The following FGF14 variants were observed in gnomAD, a reference collection of about 807,000 sequenced individuals.
FGF14 encodes the protein fibroblast growth factor homologous factor 4.
Under a neutral mutation model 25.5 loss-of-function variants are expected in FGF14, and 5 were observed. The observed-to-expected ratio is 0.20, with a 90% CI of 0.10 to 0.41. FGF14 has a LOEUF of 0.41. Among genes scored for constraint, FGF14 ranks in the 10% least tolerant of loss-of-function variants. FGF14 has a pLI of 1.00. For missense variants in FGF14, 222 were observed against 320.1 expected, an observed-to-expected ratio of 0.69 and a Z score of 2.34; for synonymous variants, 138 against 118.3, an observed-to-expected ratio of 1.17 and a Z score of -1.08.
intron 1 of FGF14, among the ~76,000 whole-genome samples, chr13:102,069,632 T>C: frequency 6.6e-6 from 1 of 151,806 alleles, no homozygotes; most frequent in East Asian, 1.9e-4. Flanking sequence ...TTAAGAGCTG[T>C]AACACTGACC....
intron 3 of FGF14, among the ~76,000 whole-genome samples, chr13:101,735,262 T>A (rs1389305259): frequency 3.9e-5 from 6 of 152,232 alleles, no homozygotes; most frequent in African/African-American, 1.4e-4. Flanking sequence ...GGTTGTTCAT[T>A]ATACAGTTGA....
intron 1 of FGF14, among the ~76,000 whole-genome samples, chr13:102,138,116 T>C (rs1420309790): frequency 1.3e-5 from 2 of 150,564 alleles, no homozygotes; most frequent in Non-Finnish European, 3.0e-5. Context: ...ATCCTTTTCA[T>C]TGATTGGCAA....
chr13:102,341,989 C>G (rs937007550), intron 1 of FGF14, among the ~76,000 whole-genome samples: 1 of 152,092 alleles, frequency 6.6e-6, no homozygotes, highest in African/African-American at 2.4e-5. Context: ...GGAAACAAGC[C>G]CACTCATCAA....
intron 3 of FGF14, among the ~76,000 whole-genome samples, chr13:101,821,102 C>T (rs1174986979): frequency 6.6e-6 from 1 of 150,754 alleles, no homozygotes; most frequent in Non-Finnish European, 1.5e-5. Flanking sequence ...GCGCCCGCTA[C>T]CACGCCGGGC....
chr13:101,904,117 G>C (rs948357425), intron 1 of FGF14, among the ~76,000 whole-genome samples: 9 of 152,178 alleles, frequency 5.9e-5, no homozygotes, highest in Non-Finnish European at 1.3e-4. Context: ...AAATTGTCTT[G>C]TTCAATGGGT....
intron 1 of FGF14, among the ~76,000 whole-genome samples, chr13:101,975,469 A>C (rs190597540): frequency 3.9e-4 from 59 of 152,206 alleles, no homozygotes; most frequent in Non-Finnish European, 1.5e-5. Context: ...ATCAACTCTC[A>C]AAACCTCCAG....
intron 1 of FGF14, among the ~76,000 whole-genome samples, chr13:102,056,678 T>C (rs1264614690): frequency 6.6e-6 from 1 of 151,772 alleles, no homozygotes; most frequent in African/African-American, 2.4e-5. Context: ...TAAATTTAAA[T>C]ATGAATAGGT....
chr13:102,228,676 T>C (rs1389848912), intron 1 of FGF14, among the ~76,000 whole-genome samples: 7 of 152,272 alleles, frequency 4.6e-5, no homozygotes, highest in East Asian at 1.9e-4. Context: ...ATAATTCCCA[T>C]TTTACAGATA....
chr13:102,252,854 G>A (rs1199231347), intron 1 of FGF14, among the ~76,000 whole-genome samples: 2 of 151,956 alleles, frequency 1.3e-5, no homozygotes, highest in East Asian at 1.9e-4. Context: ...TGTGTGTAAT[G>A]TTCCCTTCCC....
intron 1 of FGF14, among the ~76,000 whole-genome samples, chr13:101,892,683 A>G (rs970098729): frequency 3.3e-5 from 5 of 152,192 alleles, no homozygotes; most frequent in African/African-American, 1.2e-4. Flanking sequence ...GTCTCCCCAT[A>G]GTGTGCTGGG....
At chr13:101,749,980 A>G (rs1185169029) in intron 3 of FGF14, among the ~76,000 whole-genome samples, 1 of 152,016 alleles carries the variant, frequency 6.6e-6, no homozygotes, top group Non-Finnish European at 1.5e-5. Flanking sequence ...CTGAAATGGG[A>G]TTAGTGCTCT....
At chr13:102,316,823 G>C (rs1290983145) in intron 1 of FGF14, among the ~76,000 whole-genome samples, 2 of 152,124 alleles carry the variant, frequency 1.3e-5, no homozygotes, top group South Asian at 4.1e-4. Flanking sequence ...TGAAACACCT[G>C]AGAAATTATA....
intron 1 of FGF14, among the ~76,000 whole-genome samples, chr13:102,162,700 G>A (rs1217989117): frequency 2.0e-5 from 3 of 152,114 alleles, no homozygotes; most frequent in Non-Finnish European, 2.9e-5. Flanking sequence ...TTTATAAATG[G>A]AATAATAGAG....
At chr13:102,156,426 C>T (rs1375933058) in intron 1 of FGF14, among the ~76,000 whole-genome samples, 5 of 152,066 alleles carry the variant, frequency 3.3e-5, no homozygotes, top group African/African-American at 7.2e-5. Flanking sequence ...ATTATCTCAA[C>T]AGATGCAGAA....
chr13:102,209,990 T>C (rs2050095211), intron 1 of FGF14, among the ~76,000 whole-genome samples: 1 of 152,018 alleles, frequency 6.6e-6, no homozygotes, highest in Non-Finnish European at 1.5e-5. Flanking sequence ...ATTCTAGTAA[T>C]AAGTAATGTC....
chr13:102,202,726 CAG>C, intron 1 of FGF14, among the ~76,000 whole-genome samples: 1 of 152,218 alleles, frequency 6.6e-6, no homozygotes, highest in Middle Eastern at 3.4e-3. Flanking sequence ...CTTTTTATTC[CAG>C]AACTTCAAAA....
chr13:101,804,177 A>G lies in FGF14; in HGVS notation c.408+64548T>C, dbSNP rs117608439. The stretch of plus-strand genomic sequence containing the variant: ...AGTTAGATGCGATGAGCATTTAACA[A>G]CTTGCAGTACTTAGAGACCTTAGTG... On this transcript the variant is annotated intron_variant, in intron 3 of 4. Transcript: ENST00000376143. Among the ~76,000 whole-genome samples the G allele has an allele frequency of 7.2e-5, 11 of 152,346 alleles. No homozygotes were observed. In the East Asian group the frequency reaches 2.1e-3, roughly 29 times the overall value.
chr13:102,270,643 G>A (rs893357132), intron 1 of FGF14, among the ~76,000 whole-genome samples: 2 of 152,060 alleles, frequency 1.3e-5, no homozygotes, highest in African/African-American at 4.8e-5. Context: ...CTGTAAGTGA[G>A]CATAAATATA....
intron 1 of FGF14, among the ~76,000 whole-genome samples, chr13:102,192,996 T>C (rs1039066017): frequency 1.3e-5 from 2 of 152,174 alleles, no homozygotes; most frequent in African/African-American, 4.8e-5. Context: ...CCTCAAAACT[T>C]TTCCATCCCC....
Sources: gnomAD v4.1 joint callset for allele counts (sites outside exome capture counted in the v4.1 genomes callset) on GRCh38, gnomAD v4.1.1 for gene constraint, MANE v1.5 for transcripts, NCBI Gene and HGNC (gene_info 2026-07-23, HGNC 2026-07-21) for gene names.